Variants in NXPH1 observed in about 807,000 individuals in gnomAD.
The protein encoded by NXPH1 is neurexophilin 1, also known as neurexophilin-1.
Under a neutral mutation model 23.7 loss-of-function variants are expected in NXPH1, and 5 were observed. The ratio of observed to expected loss-of-function variants is 0.21; its 90% CI spans 0.11 to 0.44. NXPH1 has a LOEUF of 0.44. Among genes scored for constraint, NXPH1 ranks in the 20% least tolerant of loss-of-function variants. The pLI, the probability that NXPH1 is intolerant of heterozygous loss-of-function variation, is 0.99. For missense variants in NXPH1, 324 were observed against 321.6 expected, an observed-to-expected ratio of 1.01 and a Z score of -0.06; for synonymous variants, 144 against 122.2, an observed-to-expected ratio of 1.18 and a Z score of -1.18.
chr7:8,502,348 G>T (rs955904283), intron 2 of NXPH1, among the ~76,000 whole-genome samples: 1 of 151,896 alleles, frequency 6.6e-6, no homozygotes, highest in Non-Finnish European at 1.5e-5. Flanking sequence ...TGAGGAACTA[G>T]GTCTAAAACT....
intron 2 of NXPH1, among the ~76,000 whole-genome samples, chr7:8,597,786 G>A (rs1040399855): frequency 6.6e-6 from 1 of 151,948 alleles, no homozygotes; most frequent in Non-Finnish European, 1.5e-5. Flanking sequence ...CTGAAGACCA[G>A]TCATTCTTTA....
At chr7:8,620,746 G>C (rs1223350226) in intron 2 of NXPH1, among the ~76,000 whole-genome samples, 1 of 152,188 alleles carries the variant, frequency 6.6e-6, no homozygotes, top group African/African-American at 2.4e-5. Context: ...AAAATGATTA[G>C]ATGAAGTTAC....
At chr7:8,628,240 G>GA (rs1297150853) in intron 2 of NXPH1, among the ~76,000 whole-genome samples, 1 of 151,860 alleles carries the variant, frequency 6.6e-6, no homozygotes, top group Non-Finnish European at 1.5e-5. Context: ...AAAGTGCAAA[G>GA]AAAAAACGTC....
chr7:8,650,003 T>A (rs1820465227), intron 2 of NXPH1, among the ~76,000 whole-genome samples: 1 of 146,688 alleles, frequency 6.8e-6, no homozygotes, highest in Non-Finnish European at 1.5e-5. Context: ...TTGGACAGTT[T>A]TACCTGGTGA....
At chr7:8,559,212 C>G (rs1225768082) in intron 2 of NXPH1, among the ~76,000 whole-genome samples, 3 of 151,690 alleles carry the variant, frequency 2.0e-5, no homozygotes, top group African/African-American at 7.3e-5. Context: ...CCTACCTCAG[C>G]CTTCCAAAGT....
intron 2 of NXPH1, among the ~76,000 whole-genome samples, chr7:8,700,323 T>C (rs1779603014): frequency 6.6e-6 from 1 of 152,182 alleles, no homozygotes; most frequent in African/African-American, 2.4e-5. Flanking sequence ...TGAAATTCCT[T>C]TTCTAAAATT....
chr7:8,725,831 C>A (rs890141917), intron 2 of NXPH1, among the ~76,000 whole-genome samples: 24 of 149,468 alleles, frequency 1.6e-4, no homozygotes, highest in African/African-American at 5.7e-4. Context: ...GGTTGACCGA[C>A]ATTGTCCACT....
chr7:8,752,211 A>G lies in NXPH1; in HGVS notation c.*442A>G. 1.2e-5 allele frequency: 2 copies of G among 163,540 alleles called. No homozygotes were observed. The highest frequency in any genetic ancestry group is 1.4e-5 in the Non-Finnish European group (1 of 73,604). The allele number at this position is 163,540 out of a possible 1,614,324, so 10.1% of individuals were successfully genotyped here. On this transcript the variant is annotated 3_prime_UTR_variant, in exon 3 of 3. Transcript: ENST00000405863. ...TTAAAGTCTTGAGTACATGCTAATC[A>G]ATAATCTCCACTCATGCATTCCTAC...
rs540056222 is a variant in NXPH1 at position 8,678,928 on chromosome 7, A to ATTTTTTTTTTTTTTTTT, written c.55-72061_55-72045dup. Reference sequence around the variant, plus strand: ...TCTAGATTTATCTTTGCTTTATCCAATTTTTTTTTTTTTTTTTTTTTTTTT... The same window carrying ATTTTTTTTTTTTTTTTT: ...TCTAGATTTATCTTTGCTTTATCCAATTTTTTTTTTTTTTTTTTTTTTTTTTTTTTTTTTTTTTTTTT... On this transcript the variant is annotated intron_variant, in intron 2 of 2. Transcript: ENST00000405863. Among the ~76,000 whole-genome samples, 398 of 68,802 alleles carry ATTTTTTTTTTTTTTTTT rather than the reference A, an allele frequency of 5.8e-3. 41 individuals carry two copies. Among genetic ancestry groups the ATTTTTTTTTTTTTTTTT allele is most frequent in the Non-Finnish European group, 6.4e-3 (255 of 40,006 alleles). 45.1% of individuals were successfully genotyped at this position (68,802 alleles called of 152,430 possible).
chr7:8,440,670 T>A (rs1382674204), intron 2 of NXPH1, among the ~76,000 whole-genome samples: 1 of 152,082 alleles, frequency 6.6e-6, no homozygotes, highest in Non-Finnish European at 1.5e-5. Context: ...GACAATATTT[T>A]CGAAAGGGCA....
rs540551567 is a variant in NXPH1 at position 8,569,326 on chromosome 7, G to C, written c.54+133559G>C. ...ATATACATAACAACCCATTGAAAGGGATATACGTTGTTAGGATTTAAATTC... is the reference window on the plus strand; with the variant it reads ...ATATACATAACAACCCATTGAAAGGCATATACGTTGTTAGGATTTAAATTC... On this transcript the variant is annotated intron_variant, in intron 2 of 2. Coordinates refer to ENST00000405863, the MANE Select transcript of NXPH1 (RefSeq NM_152745.3). 5.9e-5 allele frequency among the ~76,000 whole-genome samples: 9 copies of C among 151,908 alleles called. No homozygotes were observed. In the South Asian group the frequency reaches 1.9e-3, roughly 32 times the overall value.
intron 2 of NXPH1, among the ~76,000 whole-genome samples, chr7:8,611,236 A>G (rs1015360474): frequency 3.3e-5 from 5 of 152,176 alleles, no homozygotes; most frequent in Admixed American, 2.0e-4. Flanking sequence ...AGAAGACTAC[A>G]TGATATAATT....
At chr7:8,500,042 T>A (rs1388030983) in intron 2 of NXPH1, among the ~76,000 whole-genome samples, 1 of 152,096 alleles carries the variant, frequency 6.6e-6, no homozygotes, top group African/African-American at 2.4e-5. Context: ...TGGATTGCAA[T>A]ATTTCCAACA....
chr7:8,636,330 T>G (rs942499006), intron 2 of NXPH1, among the ~76,000 whole-genome samples: 4 of 152,214 alleles, frequency 2.6e-5, no homozygotes, highest in Admixed American at 2.6e-4. Context: ...TCTGTAGAAC[T>G]GTCTTCCAGC....
intron 2 of NXPH1, among the ~76,000 whole-genome samples, chr7:8,727,025 A>C (rs1780067889): frequency 6.8e-6 from 1 of 146,282 alleles, no homozygotes; most frequent in Non-Finnish European, 1.5e-5. Flanking sequence ...AATGATTGTC[A>C]TTCTAACTGG....
intron 2 of NXPH1, among the ~76,000 whole-genome samples, chr7:8,500,854 A>T (rs1340247817): frequency 1.3e-5 from 2 of 152,062 alleles, no homozygotes; most frequent in Non-Finnish European, 2.9e-5. Context: ...TTTTTCAGAC[A>T]TGTGATCAAT....
chr7:8,678,280 C>G (rs945465458), intron 2 of NXPH1, among the ~76,000 whole-genome samples: 1 of 152,296 alleles, frequency 6.6e-6, no homozygotes, highest in African/African-American at 2.4e-5. Context: ...GTTCAATAAA[C>G]CCCACCTCTA....
chr7:8,457,277 C>A (rs982967744), intron 2 of NXPH1, among the ~76,000 whole-genome samples: 2 of 152,158 alleles, frequency 1.3e-5, no homozygotes, highest in African/African-American at 4.8e-5. Flanking sequence ...CTTCTCTGGT[C>A]TATGTAGCCT....
At chr7:8,568,000 G>A (rs1437577574) in intron 2 of NXPH1, among the ~76,000 whole-genome samples, 1 of 151,846 alleles carries the variant, frequency 6.6e-6, no homozygotes, top group Non-Finnish European at 1.5e-5. Flanking sequence ...CTGTGTGGGT[G>A]AAAATAAGCT....
Sources: allele counts gnomAD v4.1 joint callset (sites outside exome capture counted in the v4.1 genomes callset), GRCh38; gene constraint gnomAD v4.1.1; transcripts MANE v1.5; gene names NCBI Gene and HGNC (gene_info 2026-07-23, HGNC 2026-07-21).